ZFYVE16: variants seen among roughly 807,000 people sequenced by gnomAD.
ZFYVE16 encodes zinc finger FYVE-type containing 16, also known as zinc finger FYVE domain-containing protein 16.
In ZFYVE16, 89 loss-of-function variants were observed where a neutral mutation model predicts 138.1. That is an observed-to-expected ratio of 0.64 (90% CI 0.54 to 0.77). The LOEUF is 0.77. ZFYVE16 is among the 30% of genes least tolerant of loss of function. The pLI, the probability that ZFYVE16 is intolerant of heterozygous loss-of-function variation, is 0.00. For synonymous variants in ZFYVE16, 596 were observed against 618.3 expected, an observed-to-expected ratio of 0.96 and a Z score of 0.53; for missense variants, 1,793 against 1,786.7, an observed-to-expected ratio of 1.00 and a Z score of -0.06.
At chr5:80,473,959 T>C in intron 17 of ZFYVE16, 100 bp downstream of exon 17, 1 of 812,520 alleles carries the variant, frequency 1.2e-6, no homozygotes, top group Non-Finnish European at 2.0e-6. Context: ...ATGCATAGCT[T>C]ATTATACTTT....
At chr5:80,450,390 T>C (rs769133656) in intron 9 of ZFYVE16, 41 bp from the exon 10 acceptor site, 14 of 1,582,460 alleles carry the variant, frequency 8.8e-6, no homozygotes, top group African/African-American at 1.4e-5. Flanking sequence ...TTTTGACTAA[T>C]AGAAGTTGAC....
At chr5:80,445,762 CT>C (rs57916591) in intron 7 of ZFYVE16, among the ~76,000 whole-genome samples, 122,174 of 147,156 alleles carry the variant, frequency 0.83, 52,309 homozygotes, top group Non-Finnish European at 0.94. Context: ...TTTTTAATTA[CT>C]TTTTTTTTTT....
At position 80,480,309 on chromosome 5, in the gene ZFYVE16, A is replaced by C. The variant is rs1032839568; in HGVS notation, c.*2932A>C. Reference sequence around the variant, plus strand: ...GAATATAAACATTACAAGAATATACATAAAAACTGCACTTTAAAACTCAGT... The same window carrying C: ...GAATATAAACATTACAAGAATATACCTAAAAACTGCACTTTAAAACTCAGT... On this transcript the variant is annotated 3_prime_UTR_variant, in exon 19 of 19. Coordinates refer to ENST00000505560, the MANE Select transcript of ZFYVE16 (RefSeq NM_001284236.3). 2.6e-5 allele frequency among the ~76,000 whole-genome samples: 4 copies of C among 152,246 alleles called. No homozygotes were observed. Among genetic ancestry groups the C allele is most frequent in the African/African-American group, 9.6e-5 (4 of 41,476 alleles).
chr5:80,472,660 C>A, intron 15 of ZFYVE16, 101 bp from the exon 16 acceptor site: 2 of 1,141,628 alleles, frequency 1.8e-6, no homozygotes, highest in Admixed American at 2.5e-5. Context: ...TGATTTAAAA[C>A]TTGTATCTTA....
In ZFYVE16 at chr5:80,435,690, T is replaced by G. The variant is rs1368292383; in HGVS notation, c.71-1066T>G. On this transcript the variant is annotated intron_variant, in intron 3 of 18. Coordinates refer to ENST00000505560, the MANE Select transcript of ZFYVE16 (RefSeq NM_001284236.3). ...CTCAGGCAATCCTCTCACCTCAGCC[T>G]TCTGAGTAGCTGGGACCACAAGTGT... is the stretch of plus-strand genomic sequence containing the variant. 22 of 420,866 alleles carry G rather than the reference T, an allele frequency of 5.2e-5. 1 individual carries two copies. The Admixed American group carries it at 5.7e-4, about 11-fold the overall frequency. The allele number at this position is 420,866 out of a possible 1,614,324, so 26.1% of individuals were successfully genotyped here.
chr5:80,448,318 A>G lies in ZFYVE16; in HGVS notation c.3017A>G (p.Lys1006Arg). Reference sequence around the variant, plus strand: ...TATAGGTTACTGTGTGATATTAACAAGTATGTCTGCAATAAGATTAGTCTT... The same window carrying G: ...TATAGGTTACTGTGTGATATTAACAGGTATGTCTGCAATAAGATTAGTCTT... Reference protein sequence around the residue: ...SDYRLLCDINKYVCNKISLLP... With the variant: ...SDYRLLCDINRYVCNKISLLP... Residue 1006 changes from lysine (K) to arginine (R), a missense_variant, in exon 8 of 19, where the codon AAG becomes AGG. Lys to Arg is a conservative substitution (Grantham distance 26). Around this residue, in one of 2 missense-constraint regions of ZFYVE16, gnomAD observed 1,295 missense variants for 1,204.3 expected, o/e 1.08. Transcript: ENST00000505560. 6.2e-7 allele frequency: 1 copy of G among 1,611,788 alleles called. No homozygotes were observed. The highest frequency in any genetic ancestry group is 1.1e-5 in the South Asian group (1 of 90,868).
At chr5:80,445,462 T>C (rs1751215396) in intron 7 of ZFYVE16, 57 bp downstream of exon 7, 2 of 1,512,890 alleles carry the variant, frequency 1.3e-6, no homozygotes, top group Non-Finnish European at 1.8e-6. Flanking sequence ...TCGTAGATAA[T>C]TCCTGGTGTG....
intron 12 of ZFYVE16, 174 bp from the exon 13 acceptor site, chr5:80,456,287 C>A: frequency 2.0e-6 from 1 of 498,960 alleles, no homozygotes; most frequent in Non-Finnish European, 3.5e-6. Context: ...AGTTTGAAGA[C>A]CTTTTCTATT....
At chr5:80,425,130 A>T (rs148767080) in intron 1 of ZFYVE16, among the ~76,000 whole-genome samples, 2 of 152,110 alleles carry the variant, frequency 1.3e-5, no homozygotes, top group East Asian at 3.9e-4. Flanking sequence ...TATCTTTTCA[A>T]ATATAGTTGT....
At chr5:80,457,424 C>T (rs1752632108) in intron 14 of ZFYVE16, among the ~76,000 whole-genome samples, 1 of 152,106 alleles carries the variant, frequency 6.6e-6, no homozygotes. Context: ...GCTCCAACTC[C>T]TCTTAGTTGG....
At chr5:80,472,950 A>G in intron 16 of ZFYVE16, 27 bp downstream of exon 16, 8 of 1,551,790 alleles carry the variant, frequency 5.2e-6, no homozygotes, top group Non-Finnish European at 7.0e-6. Context: ...TCTAAAATAT[A>G]ATTGATTTGA....
chr5:80,414,475 A>G (rs1225009575), intron 1 of ZFYVE16, among the ~76,000 whole-genome samples: 1 of 152,112 alleles, frequency 6.6e-6, no homozygotes, highest in Non-Finnish European at 1.5e-5. Context: ...TTCCTGAGAG[A>G]GACAGAATGG....
chr5:80,426,266 G>A lies in ZFYVE16; in HGVS notation c.-93-1226G>A, dbSNP rs1171667219. On this transcript the variant is annotated intron_variant, in intron 1 of 18. Coordinates refer to ENST00000505560, the MANE Select transcript of ZFYVE16 (RefSeq NM_001284236.3). ...TCTGTGTGTGTGTGTGTGTGTGTGTGTGTGTGTATATATATATATATATAT... is the reference window on the plus strand; with the variant it reads ...TCTGTGTGTGTGTGTGTGTGTGTGTATGTGTGTATATATATATATATATAT... Among the ~76,000 whole-genome samples the A allele has an allele frequency of 6.8e-3, 374 of 54,968 alleles. 3 individuals carry two copies. Among genetic ancestry groups the A allele is most frequent in the African/African-American group, 0.017 (346 of 20,228 alleles). 36.1% of individuals were successfully genotyped at this position (54,968 alleles called of 152,430 possible).
At chr5:80,470,094 TGTGTG>T (rs1561332884) in intron 15 of ZFYVE16, among the ~76,000 whole-genome samples, 5 of 51,742 alleles carry the variant, frequency 9.7e-5, no homozygotes, top group East Asian at 9.2e-4. Context: ...TGTGTGTGTG[TGTGTG>T]TATTTTTTTT....
rs1561279489 is a variant in ZFYVE16 at position 80,439,000 on chromosome 5, G to A, written c.2315G>A (p.Cys772Tyr). ...FTKRRHHCRA[C>Y]GKVFCGVCCN... is the part of the protein sequence containing the mutation. ...AAACGGCGACACCATTGCCGAGCATGTGGGAAAGTAAGTTATAAAAATCTT... is the reference window on the plus strand; with the variant it reads ...AAACGGCGACACCATTGCCGAGCATATGGGAAAGTAAGTTATAAAAATCTT... Residue 772 changes from cysteine (C) to tyrosine (Y), a missense_variant, in exon 4 of 19, where the codon TGT (cysteine) becomes TAT (tyrosine). By Grantham distance (194) the Cys-to-Tyr change is radical. Coordinates refer to ENST00000505560, the MANE Select transcript of ZFYVE16 (RefSeq NM_001284236.3). The A allele has an allele frequency of 1.9e-6, 3 of 1,600,838 alleles. No homozygotes were observed. The highest frequency in any genetic ancestry group is 1.7e-6 in the Non-Finnish European group (2 of 1,173,970).
At chr5:80,473,891 G>C (rs748785539) in intron 17 of ZFYVE16, 32 bp downstream of exon 17, 24 of 1,527,712 alleles carry the variant, frequency 1.6e-5, no homozygotes, top group Non-Finnish European at 2.1e-5. Flanking sequence ...TTTACATGCT[G>C]TGTTTCAATA....
chr5:80,437,158 C>A lies in ZFYVE16; in HGVS notation c.473C>A (p.Ala158Glu). The A allele has an allele frequency of 6.2e-7, 1 of 1,613,966 alleles. No individual in the cohort carries two copies. Among genetic ancestry groups the A allele is most frequent in the East Asian group, 2.2e-5 (1 of 44,874 alleles). ...TTGCCAGATGATTTTAAGTCTAATG[C>A]AGATTCCTTGATTGGATTGGATTTA... ...KLLPDDFKSN[A>E]DSLIGLDLSS... The change falls in exon 4 of 19, where the codon GCA becomes GAA. Residue 158 changes from alanine to glutamate, a missense_variant. Ala to Glu is a moderately radical substitution (Grantham distance 107, BLOSUM62 -1). Coordinates refer to ENST00000505560, the MANE Select transcript of ZFYVE16 (RefSeq NM_001284236.3).
rs944567334 is a variant in ZFYVE16 at position 80,473,022 on chromosome 5, A to G, written c.4187+99A>G. On this transcript the variant is annotated intron_variant, in intron 16 of 18. Coordinates refer to ENST00000505560, the MANE Select transcript of ZFYVE16 (RefSeq NM_001284236.3). The stretch of plus-strand genomic sequence containing the variant: ...TTAAATATTTTATGAACGAATATAT[A>G]CTTATACCATCAATTTAAATGCCTT... The G allele has an allele frequency of 1.0e-5, 11 of 1,083,004 alleles. No individual in the cohort carries two copies. The South Asian group carries it at 2.4e-4, about 24-fold the overall frequency. 67.1% of individuals were successfully genotyped at this position (1,083,004 alleles called of 1,614,324 possible).
chr5:80,462,090 T>C (rs1753182127), intron 15 of ZFYVE16, among the ~76,000 whole-genome samples: 1 of 152,148 alleles, frequency 6.6e-6, no homozygotes, highest in African/African-American at 2.4e-5. Context: ...CATTTCAGGG[T>C]TAGGGCTTCA....
Sources: allele counts gnomAD v4.1 joint callset (sites outside exome capture counted in the v4.1 genomes callset), GRCh38; gene constraint gnomAD v4.1.1; regional missense constraint gnomAD v4.1.1; transcripts MANE v1.5; gene names NCBI Gene and HGNC (gene_info 2026-07-23, HGNC 2026-07-21).